Variants in IL1RAPL1 observed in about 807,000 individuals in gnomAD.
The protein encoded by IL1RAPL1 is interleukin 1 receptor accessory protein like 1, also known as interleukin-1 receptor accessory protein-like 1.
Under a neutral mutation model 48.4 loss-of-function variants are expected in IL1RAPL1, and 3 were observed. That is an observed-to-expected ratio of 0.06 (90% confidence interval 0.03 to 0.16). The LOEUF is 0.16. IL1RAPL1 is among the 10% of genes least tolerant of loss of function. IL1RAPL1 has a pLI of 1.00. For synonymous variants in IL1RAPL1, 185 were observed against 187.7 expected (o/e 0.99, Z 0.12); for missense variants, 349 against 530.6 (o/e 0.66, Z 3.36).
intron 2 of IL1RAPL1, among the ~76,000 whole-genome samples, chrX:29,236,535 C>CT (rs759738945): frequency 4.4e-4 from 26 of 58,969 alleles, no homozygotes; most frequent in South Asian, 9.4e-4. Flanking sequence ...CTTTCTTTTT[C>CT]TTTTTTTTTC....
At chrX:29,299,616 G>A (rs1932501962) in intron 3 of IL1RAPL1, among the ~76,000 whole-genome samples, 1 of 111,724 alleles carries the variant, frequency 9.0e-6, no homozygotes, top group Admixed American at 9.5e-5. Flanking sequence ...ATTAAAAAAG[G>A]TCACCAAGGT....
Position 29,178,691 on chromosome X carries a change from A to G in IL1RAPL1, c.83-104247A>G, listed in dbSNP as rs1381853805. Among the ~76,000 whole-genome samples, 5 of 111,689 alleles carry G rather than the reference A, an allele frequency of 4.5e-5. No homozygotes were observed. In the South Asian group the frequency reaches 1.9e-3, roughly 42 times the overall value. On this transcript the variant is annotated intron_variant, in intron 2 of 10. Coordinates refer to ENST00000378993, the MANE Select transcript of IL1RAPL1 (RefSeq NM_014271.4). The stretch of plus-strand genomic sequence containing the variant: ...TGCCCATGCCTATGTCCTGAATGGT[A>G]TTGCCTAGGTTTTCTTCTAGGGTTT...
intron 2 of IL1RAPL1, among the ~76,000 whole-genome samples, chrX:28,962,433 T>G: frequency 9.0e-6 from 1 of 111,515 alleles, no homozygotes; most frequent in Non-Finnish European, 1.9e-5. Flanking sequence ...TTTCCAAGTT[T>G]CAGTTATTAA....
At chrX:29,665,051 G>A (rs895581481) in intron 5 of IL1RAPL1, among the ~76,000 whole-genome samples, 2 of 112,554 alleles carry the variant, frequency 1.8e-5, no homozygotes, top group Non-Finnish European at 3.8e-5. Context: ...AAATACTTTT[G>A]TTGGTGAATA....
intron 5 of IL1RAPL1, among the ~76,000 whole-genome samples, chrX:29,588,625 T>C (rs986547351): frequency 3.6e-5 from 4 of 111,858 alleles, no homozygotes; most frequent in Non-Finnish European, 7.5e-5. Context: ...TAAACTACTA[T>C]ACTACGATGG....
rs1258277379 is a variant in IL1RAPL1 at position 29,955,299 on chromosome X, G to A, written c.1570G>A (p.Val524Met). 3 of 1,209,577 alleles carry A rather than the reference G, an allele frequency of 2.5e-6. No individual in the cohort carries two copies. The highest frequency in any genetic ancestry group is 3.4e-6 in the Non-Finnish European group (3 of 895,053). ...ELRGIMNYQE[V>M]EALKHTIKLL... ...GAGAGGAATTATGAACTACCAGGAG[G>A]TGGAGGCCCTGAAGCACACCATCAA... Residue 524 changes from valine to methionine, a missense_variant, in exon 11 of 11, where the codon GTG becomes ATG. Physicochemically the swap from Val to Met is conservative, Grantham distance 21 (BLOSUM62 1). Around this residue, in one of 3 missense-constraint regions of IL1RAPL1, gnomAD observed 46 missense variants for 113.3 expected, o/e 0.41. Transcript: ENST00000378993.
rs759716466 is a variant in IL1RAPL1 at position 29,108,871 on chromosome X, A to G, written c.83-174067A>G. The stretch of plus-strand genomic sequence containing the variant: ...AAATAACACAAGCAAACATTATGCA[A>G]TGTGATTCAATGAAGATTCATGAAA... On this transcript the variant is annotated intron_variant, in intron 2 of 10. Coordinates refer to ENST00000378993, the MANE Select transcript of IL1RAPL1 (RefSeq NM_014271.4). Among the ~76,000 whole-genome samples the G allele has an allele frequency of 8.9e-5, 10 of 111,798 alleles. 1 individual carries two copies. The highest frequency in any genetic ancestry group is 3.7e-4 in the South Asian group (1 of 2,672).
At chrX:29,741,737 G>A (rs1464127141) in intron 6 of IL1RAPL1, among the ~76,000 whole-genome samples, 1 of 107,897 alleles carries the variant, frequency 9.3e-6, no homozygotes, top group African/African-American at 3.4e-5. Flanking sequence ...CCTGGCCAAC[G>A]TGGCGAAATC....
chrX:29,088,839 AT>A (rs1489673291), intron 2 of IL1RAPL1, among the ~76,000 whole-genome samples: 1 of 111,047 alleles, frequency 9.0e-6, no homozygotes, highest in East Asian at 2.8e-4. Context: ...GCAAAAAAGA[AT>A]TATAAAAAAT....
chrX:29,036,874 T>C (rs1319257625), intron 2 of IL1RAPL1, among the ~76,000 whole-genome samples: 1 of 111,784 alleles, frequency 8.9e-6, no homozygotes, highest in Non-Finnish European at 1.9e-5. Flanking sequence ...GCCTGTCCTA[T>C]AAATTTGAAC....
chrX:29,209,705 C>T (rs1428363567), intron 2 of IL1RAPL1, among the ~76,000 whole-genome samples: 1 of 111,948 alleles, frequency 8.9e-6, no homozygotes, highest in Non-Finnish European at 1.9e-5. Flanking sequence ...TAATGAATAG[C>T]CTTGTATATG....
Position 29,789,538 on chromosome X carries a change from G to A in IL1RAPL1, c.778+121034G>A, listed in dbSNP as rs191562428. Among the ~76,000 whole-genome samples, 342 of 111,482 alleles carry A rather than the reference G, an allele frequency of 3.1e-3. 2 individuals are homozygous for A. The highest frequency in any genetic ancestry group is 0.011 in the African/African-American group (326 of 30,752). On this transcript the variant is annotated intron_variant, in intron 6 of 10. Transcript: ENST00000378993. ...GTACACTGGAAAATAGAAAAAAATC[G>A]GATAATTCTGTTCTGGGTGATCAGT...
At chrX:29,907,733 A>ATATC (rs1234756656) in intron 6 of IL1RAPL1, among the ~76,000 whole-genome samples, 2 of 112,183 alleles carry the variant, frequency 1.8e-5, no homozygotes, top group African/African-American at 6.5e-5. Context: ...GTTGTTGACA[A>ATATC]TATCTACCTA....
chrX:29,680,652 T>C (rs1490707644), intron 6 of IL1RAPL1, among the ~76,000 whole-genome samples: 1 of 112,092 alleles, frequency 8.9e-6, no homozygotes, highest in Admixed American at 9.5e-5. Flanking sequence ...CCATATTCAA[T>C]ATTTGTTTAA....
rs765242801 is a variant in IL1RAPL1 at position 28,687,429 on chromosome X, C to T, written c.-25+99382C>T. Among the ~76,000 whole-genome samples, 7 of 112,068 alleles carry T rather than the reference C, an allele frequency of 6.2e-5. No homozygotes were observed. In the South Asian group the frequency reaches 1.5e-3, roughly 23 times the overall value. On this transcript the variant is annotated intron_variant, in intron 1 of 10. Coordinates refer to ENST00000378993, the MANE Select transcript of IL1RAPL1 (RefSeq NM_014271.4). Reference sequence around the variant, plus strand: ...TTTTACTTTATATTTTGTAGAACAACGTGAATTTTAGCATGGACCAAAAAA... The same window carrying T: ...TTTTACTTTATATTTTGTAGAACAATGTGAATTTTAGCATGGACCAAAAAA...
At chrX:28,667,294 G>A (rs1934891607) in intron 1 of IL1RAPL1, among the ~76,000 whole-genome samples, 1 of 112,034 alleles carries the variant, frequency 8.9e-6, no homozygotes, top group Non-Finnish European at 1.9e-5. Flanking sequence ...TTGTAAAATA[G>A]GTCACAAACT....
intron 6 of IL1RAPL1, among the ~76,000 whole-genome samples, chrX:29,708,492 A>T (rs1272232113): frequency 2.7e-5 from 3 of 112,142 alleles, no homozygotes; most frequent in South Asian, 3.7e-4. Context: ...TCTTTCTGTG[A>T]ATGGCTTACT....
At position 29,262,387 on chromosome X, in the gene IL1RAPL1, G is replaced by T. The variant is rs1931875422; in HGVS notation, c.83-20551G>T. 7.2e-5 allele frequency among the ~76,000 whole-genome samples: 8 copies of T among 111,416 alleles called. No individual in the cohort carries two copies. In the South Asian group the frequency reaches 3.0e-3, roughly 42 times the overall value. On this transcript the variant is annotated intron_variant, in intron 2 of 10. Transcript: ENST00000378993. Reference sequence around the variant, plus strand: ...TCCTTTAAGTTACTAATAGGTAGCTGGGCATGGTGACTCACCATGGTGACC... The same window carrying T: ...TCCTTTAAGTTACTAATAGGTAGCTTGGCATGGTGACTCACCATGGTGACC...
intron 1 of IL1RAPL1, among the ~76,000 whole-genome samples, chrX:28,596,103 A>G (rs1438523430): frequency 6.3e-5 from 7 of 111,582 alleles, no homozygotes; most frequent in African/African-American, 1.6e-4. Flanking sequence ...TGTGCACAGC[A>G]TATAGTAGGT....
Sources: gnomAD v4.1 joint callset for allele counts (sites outside exome capture counted in the v4.1 genomes callset) on GRCh38, gnomAD v4.1.1 for gene constraint, gnomAD v4.1.1 regional missense constraint, MANE v1.5 for transcripts, NCBI Gene and HGNC (gene_info 2026-07-23, HGNC 2026-07-21) for gene names.